CADM2: variants seen among roughly 807,000 people sequenced by gnomAD.
CADM2 encodes the protein immunoglobulin superfamily member 4D.
Under a neutral mutation model 49.8 loss-of-function variants are expected in CADM2, and 12 were observed. That is an observed-to-expected ratio of 0.24 (90% CI 0.15 to 0.39). The LOEUF is 0.39. Among genes scored for constraint, CADM2 ranks in the 10% least tolerant of loss-of-function variants. The pLI, the probability that CADM2 is intolerant of heterozygous loss-of-function variation, is 1.00. For synonymous variants in CADM2, 214 were observed against 175.4 expected, an observed-to-expected ratio of 1.22 and a Z score of -1.74; for missense variants, 378 against 492.3, an observed-to-expected ratio of 0.77 and a Z score of 2.20.
chr3:85,155,812 T>A (rs927296634), intron 1 of CADM2, among the ~76,000 whole-genome samples: 13 of 152,038 alleles, frequency 8.6e-5, no homozygotes, highest in East Asian at 1.9e-4. Context: ...AACTACATGG[T>A]AATTGAACAA....
chr3:85,814,727 G>T (rs2073102923), intron 3 of CADM2, among the ~76,000 whole-genome samples: 1 of 151,898 alleles, frequency 6.6e-6, no homozygotes, highest in African/African-American at 2.4e-5. Context: ...TAACATCAGA[G>T]AATACTATAG....
At position 85,714,519 on chromosome 3, in the gene CADM2, C is replaced by T. The variant is rs549727668; in HGVS notation, c.62-12003C>T. Among the ~76,000 whole-genome samples the T allele has an allele frequency of 5.3e-5, 8 of 151,928 alleles. No individual in the cohort carries two copies. In the South Asian group the frequency reaches 6.2e-4, roughly 12 times the overall value. ...TCGGCTCACTGCAAGCTCCACCTCC[C>T]GGGTTCACACCATTCTCCTGCCTCA... On this transcript the variant is annotated intron_variant, in intron 1 of 9. Transcript: ENST00000383699.
chr3:85,517,049 A>T (rs540136353), intron 1 of CADM2, among the ~76,000 whole-genome samples: 1 of 152,056 alleles, frequency 6.6e-6, no homozygotes, highest in East Asian at 1.9e-4. Flanking sequence ...TACAGTATAA[A>T]GACAACTACA....
intron 8 of CADM2, among the ~76,000 whole-genome samples, chr3:86,039,750 G>C (rs1325632486): frequency 6.6e-6 from 1 of 152,164 alleles, no homozygotes; most frequent in Non-Finnish European, 1.5e-5. Flanking sequence ...TCTCCCAGCA[G>C]GCAGCTGGAG....
chr3:85,000,124 C>CTCTG (rs1479119462), intron 1 of CADM2, among the ~76,000 whole-genome samples: 1 of 149,866 alleles, frequency 6.7e-6, no homozygotes, highest in East Asian at 2.0e-4. Flanking sequence ...TTCTCTCTCT[C>CTCTG]TCTCTCTCTC....
intron 2 of CADM2, among the ~76,000 whole-genome samples, chr3:85,776,767 A>G (rs1467633190): frequency 2.0e-5 from 3 of 152,134 alleles, no homozygotes; most frequent in African/African-American, 4.8e-5. Context: ...TTACATAAGT[A>G]AATACTCAGT....
At chr3:85,482,111 T>C (rs1462079988) in intron 1 of CADM2, among the ~76,000 whole-genome samples, 2 of 151,700 alleles carry the variant, frequency 1.3e-5, no homozygotes, top group Admixed American at 1.3e-4. Flanking sequence ...TTACCGAAAT[T>C]CAAAATTTGC....
At chr3:85,422,342 A>G (rs1325121835) in intron 1 of CADM2, among the ~76,000 whole-genome samples, 1 of 152,028 alleles carries the variant, frequency 6.6e-6, no homozygotes, top group East Asian at 1.9e-4. Flanking sequence ...CAGTGGTGCA[A>G]TCTCAGCTCA....
intron 1 of CADM2, among the ~76,000 whole-genome samples, chr3:85,621,062 A>G (rs1031121994): frequency 1.3e-5 from 2 of 152,132 alleles, no homozygotes; most frequent in Non-Finnish European, 2.9e-5. Flanking sequence ...ATATTCTTCA[A>G]TAATGGGAGG....
At chr3:85,488,721 G>T (rs771606034) in intron 1 of CADM2, among the ~76,000 whole-genome samples, 51 of 151,990 alleles carry the variant, frequency 3.4e-4, no homozygotes, top group Non-Finnish European at 3.7e-4. Flanking sequence ...TAGTAGATAC[G>T]GGGTTTCACC....
At chr3:85,638,854 G>T (rs989437509) in intron 1 of CADM2, among the ~76,000 whole-genome samples, 2 of 151,936 alleles carry the variant, frequency 1.3e-5, no homozygotes, top group Non-Finnish European at 2.9e-5. Flanking sequence ...GAGATATTAG[G>T]GTGTTTTTCT....
intron 1 of CADM2, among the ~76,000 whole-genome samples, chr3:85,069,679 G>A (rs187459455): frequency 1.2e-4 from 18 of 152,102 alleles, no homozygotes; most frequent in Non-Finnish European, 2.4e-4. Context: ...ATAAACAGCA[G>A]CTACATCAAA....
intron 6 of CADM2, among the ~76,000 whole-genome samples, chr3:85,919,814 C>A (rs1718862714): frequency 6.6e-6 from 1 of 151,754 alleles, no homozygotes; most frequent in Admixed American, 6.6e-5. Context: ...TTGATCAGTT[C>A]TCTGTTTAGT....
chr3:85,886,412 C>G, intron 5 of CADM2, 85 bp downstream of exon 5: 1 of 1,008,612 alleles, frequency 9.9e-7, no homozygotes, highest in South Asian at 1.5e-5. Flanking sequence ...CATTATTTTT[C>G]AAAACATAGT....
intron 1 of CADM2, among the ~76,000 whole-genome samples, chr3:85,319,657 T>C (rs2044552342): frequency 6.6e-6 from 1 of 152,232 alleles, no homozygotes; most frequent in African/African-American, 2.4e-5. Context: ...TGGATGTAGC[T>C]GTAGGCCATT....
At chr3:85,179,467 T>C (rs1347636142) in intron 1 of CADM2, among the ~76,000 whole-genome samples, 9 of 152,060 alleles carry the variant, frequency 5.9e-5, no homozygotes, top group Admixed American at 5.9e-4. Flanking sequence ...ATGTTTCTTT[T>C]ATGTATTTGT....
chr3:84,959,794 T>G, intron 1 of CADM2, 126 bp downstream of exon 1: 1 of 856,108 alleles, frequency 1.2e-6, no homozygotes, highest in Non-Finnish European at 1.8e-6. Flanking sequence ...CCCCTCCCCC[T>G]ACTCTCTGGT....
intron 1 of CADM2, among the ~76,000 whole-genome samples, chr3:85,563,419 T>A (rs987499073): frequency 1.7e-5 from 2 of 120,666 alleles, no homozygotes; most frequent in Admixed American, 1.8e-4. Context: ...TGTGGGGGGG[T>A]GGTAATTTAG....
intron 1 of CADM2, among the ~76,000 whole-genome samples, chr3:85,403,443 T>G (rs1256963131): frequency 6.6e-6 from 1 of 152,142 alleles, no homozygotes; most frequent in Non-Finnish European, 1.5e-5. Context: ...TATGTGTTCA[T>G]TTTTTCTTGT....
Sources: gnomAD v4.1 joint callset for allele counts (sites outside exome capture counted in the v4.1 genomes callset) on GRCh38, gnomAD v4.1.1 for gene constraint, MANE v1.5 for transcripts, NCBI Gene and HGNC (gene_info 2026-07-23, HGNC 2026-07-21) for gene names.